The following AMMECR1 variants were observed in gnomAD, a reference collection of about 807,000 sequenced individuals.
AMMECR1 encodes AMMECR nuclear protein 1.
AMMECR1 carries 3 observed loss-of-function variants against 22.5 expected under a neutral mutation model. The observed-to-expected ratio is 0.13, with a 90% confidence interval of 0.06 to 0.35. The LOEUF (loss-of-function observed/expected upper bound fraction) is 0.35, where lower values mean the gene tolerates loss of function less well. Ranked by LOEUF, AMMECR1 falls within the 10% of genes least tolerant of loss-of-function variation. The pLI, the probability that AMMECR1 is intolerant of heterozygous loss-of-function variation, is 1.00. For synonymous variants in AMMECR1, 130 were observed against 116.7 expected (o/e 1.11, Z -0.74); for missense variants, 235 against 278.7 (o/e 0.84, Z 1.12).
upstream of AMMECR1, among the ~76,000 whole-genome samples, chrX:110,321,749 A>C (rs942523643): frequency 1.7e-4 from 19 of 111,607 alleles, no homozygotes; most frequent in African/African-American, 5.9e-4. Flanking sequence ...TCATTGAAAA[A>C]AAAACCTGCC....
chrX:110,236,545 T>C (rs1406913028), intron 2 of AMMECR1, among the ~76,000 whole-genome samples: 1 of 112,348 alleles, frequency 8.9e-6, no homozygotes, highest in Admixed American at 9.4e-5. Flanking sequence ...TCCCCATGTA[T>C]ATGTTATAGG....
chrX:110,256,329 A>G (rs1036703982), intron 2 of AMMECR1, among the ~76,000 whole-genome samples: 1 of 112,194 alleles, frequency 8.9e-6, no homozygotes, highest in Non-Finnish European at 1.9e-5. Flanking sequence ...ACTGTTGACC[A>G]AAACGTCATT....
intron 1 of AMMECR1, among the ~76,000 whole-genome samples, chrX:110,278,107 G>A (rs2067835386): frequency 1.8e-5 from 2 of 111,380 alleles, no homozygotes; most frequent in South Asian, 7.5e-4. Flanking sequence ...ATTTATCATA[G>A]TCTTACCAGT....
In AMMECR1 at chrX:110,246,886, A is replaced by G. The variant is rs147600660; in HGVS notation, c.584+17603T>C. ...TTTTTGGAGGGTTTTCTTAGTCTTG[A>G]ACTTAAAATGGGCTACACTATAGGC... On this transcript the variant is annotated intron_variant, in intron 2 of 5. Coordinates refer to ENST00000262844, the MANE Select transcript of AMMECR1 (RefSeq NM_015365.3). Among the ~76,000 whole-genome samples, 167 of 112,026 alleles carry G rather than the reference A, an allele frequency of 1.5e-3. 1 individual carries two copies. The highest frequency in any genetic ancestry group is 5.2e-3 in the African/African-American group (159 of 30,791).
intron 2 of AMMECR1, among the ~76,000 whole-genome samples, chrX:110,397,828 C>T (rs1200490613): frequency 9.0e-6 from 1 of 111,508 alleles, no homozygotes; most frequent in Non-Finnish European, 1.9e-5. Flanking sequence ...GGCCTGGGGA[C>T]AGCACAGATC....
intron 2 of AMMECR1, among the ~76,000 whole-genome samples, chrX:110,329,750 G>A (rs2068113144): frequency 8.9e-6 from 1 of 111,798 alleles, no homozygotes; most frequent in Admixed American, 9.5e-5. Context: ...TGTCTACCTG[G>A]GTTGCTGAAA....
chrX:110,350,917 G>A (rs2068208909), intron 2 of AMMECR1, among the ~76,000 whole-genome samples: 1 of 111,327 alleles, frequency 9.0e-6, no homozygotes, highest in South Asian at 3.9e-4. Context: ...AGACTGCAGT[G>A]AGTCATGATT....
chrX:110,401,649 G>A (rs1304099831), intron 2 of AMMECR1, among the ~76,000 whole-genome samples: 1 of 111,557 alleles, frequency 9.0e-6, no homozygotes, highest in Non-Finnish European at 1.9e-5. Context: ...TACAACCAAA[G>A]GGTGTTTGGC....
chrX:110,322,427 A>G (rs1313790068), upstream of AMMECR1, among the ~76,000 whole-genome samples: 1 of 111,769 alleles, frequency 8.9e-6, no homozygotes, highest in Non-Finnish European at 1.9e-5. Context: ...TAAAAGAAGA[A>G]TTCATCTACT....
At chrX:110,310,405 C>T (rs2068018709) in intron 1 of AMMECR1, among the ~76,000 whole-genome samples, 1 of 110,913 alleles carries the variant, frequency 9.0e-6, no homozygotes, top group South Asian at 3.8e-4. Context: ...CCTCTCCATG[C>T]ACATGTAGTC....
rs1253321620 is a variant in AMMECR1, at chrX:110,244,740, G to A, written c.584+19749C>T. 3.6e-5 allele frequency among the ~76,000 whole-genome samples: 4 copies of A among 111,987 alleles called. No individual in the cohort carries two copies. In the Admixed American group the frequency reaches 3.8e-4, roughly 11 times the overall value. The stretch of plus-strand genomic sequence containing the variant: ...TGCTCGATAAATGTGGAATTGAACT[G>A]ACTAAACCTTATGTCAGCCTGATAT... On this transcript the variant is annotated intron_variant, in intron 2 of 5. Transcript: ENST00000262844.
intron 2 of AMMECR1, among the ~76,000 whole-genome samples, chrX:110,389,091 TAGAG>T (rs2148284222): frequency 8.9e-6 from 1 of 112,472 alleles, no homozygotes; most frequent in African/African-American, 3.2e-5. Context: ...AAAGGATCCA[TAGAG>T]AAAGATGTTG....
intron 2 of AMMECR1, among the ~76,000 whole-genome samples, chrX:110,400,665 C>T (rs1179311040): frequency 8.9e-6 from 1 of 111,732 alleles, no homozygotes; most frequent in Admixed American, 9.5e-5. Flanking sequence ...GCTTGTCTCG[C>T]AAATATTTTC....
intron 1 of AMMECR1, among the ~76,000 whole-genome samples, chrX:110,438,914 A>G (rs144185179): frequency 8.4e-4 from 94 of 112,151 alleles, no homozygotes; most frequent in African/African-American, 2.8e-3. Context: ...ATTCTTATTC[A>G]TGGCTGAGGG....
intron 1 of AMMECR1, chrX:110,309,413 T>C (rs2068014013): frequency 8.9e-6 from 1 of 112,137 alleles, no homozygotes; most frequent in Non-Finnish European, 1.9e-5. Context: ...TATAGGCTCT[T>C]AATTCAATCT....
At chrX:110,429,032 T>C (rs1452352436) in intron 1 of AMMECR1, among the ~76,000 whole-genome samples, 1 of 111,693 alleles carries the variant, frequency 9.0e-6, no homozygotes, top group Non-Finnish European at 1.9e-5. Context: ...GGCTGTTCCA[T>C]CTCTTCTACC....
At chrX:110,412,353 C>A (rs1423578975) in intron 2 of AMMECR1, among the ~76,000 whole-genome samples, 1 of 112,309 alleles carries the variant, frequency 8.9e-6, no homozygotes, top group African/African-American at 3.2e-5. Context: ...ATTGAAAAAA[C>A]TAAATGACCT....
At position 110,318,061 on chromosome X, in the gene AMMECR1, C is replaced by A; in HGVS notation, c.11G>T (p.Gly4Val). MAA[G>V]CCGVKKQKLS... ...TTTCTGCTTCTTCACCCCGCAGCAA[C>A]CCGCCGCCATCTTGGAACAGTCTCC... The change falls in exon 1 of 6, where the codon GGT (glycine) becomes GTT (valine). Residue 4 changes from glycine (G) to valine (V), a missense_variant. Gly to Val is a moderately radical substitution (Grantham distance 109). Around this residue, in one of 2 missense-constraint regions of AMMECR1, gnomAD observed 124 missense variants for 97.0 expected, o/e 1.28. Transcript: ENST00000262844. 8.3e-7 allele frequency: 1 copy of A among 1,200,296 alleles called. No homozygotes were observed. The highest frequency in any genetic ancestry group is 1.1e-6 in the Non-Finnish European group (1 of 890,682).
At chrX:110,393,901 A>T (rs1055738679) in intron 2 of AMMECR1, among the ~76,000 whole-genome samples, 1 of 112,311 alleles carries the variant, frequency 8.9e-6, no homozygotes, top group African/African-American at 3.2e-5. Flanking sequence ...AGTGAATACA[A>T]ATTATTGGAA....
Sources: allele counts gnomAD v4.1 joint callset (sites outside exome capture counted in the v4.1 genomes callset), GRCh38; gene constraint gnomAD v4.1.1; regional missense constraint gnomAD v4.1.1; transcripts MANE v1.5; gene names NCBI Gene and HGNC (gene_info 2026-07-23, HGNC 2026-07-21).